The following LRRIQ3 variants were observed in gnomAD, a reference collection of about 807,000 sequenced individuals.
LRRIQ3 encodes leucine rich repeats and IQ motif containing 3.
In LRRIQ3, 75 loss-of-function variants were observed where a neutral mutation model predicts 59.3. The observed-to-expected ratio is 1.26, with a 90% CI of 1.05 to 1.53. The LOEUF is 1.53. Among genes scored for constraint, LRRIQ3 ranks in the 40% most tolerant of loss-of-function variants. The pLI is 0.00. For missense variants in LRRIQ3, 831 were observed against 710.0 expected (o/e 1.17, Z -1.94); for synonymous variants, 250 against 231.3 (o/e 1.08, Z -0.73).
intron 7 of LRRIQ3, among the ~76,000 whole-genome samples, chr1:74,039,309 G>A (rs1166755584): frequency 2.0e-5 from 3 of 152,076 alleles, no homozygotes; most frequent in Admixed American, 1.3e-4. Flanking sequence ...CAAAATCTCT[G>A]AGAAATATGG....
At chr1:74,161,734 G>T (rs1464159248) in intron 3 of LRRIQ3, among the ~76,000 whole-genome samples, 2 of 151,830 alleles carry the variant, frequency 1.3e-5, no homozygotes, top group African/African-American at 4.8e-5. Context: ...TCTCATTAAA[G>T]AAATAAACAG....
intron 7 of LRRIQ3, among the ~76,000 whole-genome samples, chr1:74,027,650 A>G (rs1185175728): frequency 6.6e-6 from 1 of 152,096 alleles, no homozygotes; most frequent in Admixed American, 6.6e-5. Context: ...ATATTTTGTT[A>G]TGGCAGTCCT....
intron 4 of LRRIQ3, among the ~76,000 whole-genome samples, chr1:74,148,008 A>G (rs370053955): frequency 3.5e-4 from 54 of 152,128 alleles, no homozygotes; most frequent in African/African-American, 1.3e-3. Flanking sequence ...GTTCCTTTAT[A>G]TCTCATTGAG....
chr1:74,026,926 TA>T lies in LRRIQ3; in HGVS notation c.1761del (p.Met588TrpfsTer3). Reference protein sequence around the residue: ...IYKRHCEEKFVMDMIAFEKAC... With the variant: ...IYKRHCEEKFXMDMIAFEKAC... Reference sequence around the variant, plus strand: ...GCTTTTTCAAAGGCAATCATATCCATAACAAATTTTTCTTCACAATGTCTTT... The same window carrying T: ...GCTTTTTCAAAGGCAATCATATCCATACAAATTTTTCTTCACAATGTCTTT... On this transcript the variant is annotated frameshift_variant, in exon 8 of 8. Coordinates refer to ENST00000354431, the MANE Select transcript of LRRIQ3 (RefSeq NM_001105659.2). LOFTEE classifies it low-confidence loss of function (END_TRUNC). 1 of 1,589,752 alleles carries T rather than the reference TA, an allele frequency of 6.3e-7. No individual in the cohort carries two copies. Among genetic ancestry groups the T allele is most frequent in the Non-Finnish European group, 8.6e-7 (1 of 1,164,386 alleles).
At chr1:74,131,145 G>C (rs1168430931) in intron 4 of LRRIQ3, among the ~76,000 whole-genome samples, 1 of 151,970 alleles carries the variant, frequency 6.6e-6, no homozygotes, top group Non-Finnish European at 1.5e-5. Context: ...TAAATTCCTG[G>C]ACACATACAC....
At chr1:74,135,943 T>C (rs1373555430) in intron 4 of LRRIQ3, among the ~76,000 whole-genome samples, 1 of 151,362 alleles carries the variant, frequency 6.6e-6, no homozygotes, top group East Asian at 1.9e-4. Flanking sequence ...GTAGAGAAAA[T>C]TAATAAAATC....
chr1:74,091,854 T>A (rs1646398218), intron 5 of LRRIQ3, among the ~76,000 whole-genome samples: 1 of 152,126 alleles, frequency 6.6e-6, no homozygotes. Flanking sequence ...CCAATTGCTT[T>A]CCATACCTAC....
intron 6 of LRRIQ3, among the ~76,000 whole-genome samples, chr1:74,055,813 G>A (rs1402152984): frequency 6.6e-6 from 1 of 152,030 alleles, no homozygotes; most frequent in African/African-American, 2.4e-5. Flanking sequence ...TCAGATGCAG[G>A]AAAAGCACTC....
intron 3 of LRRIQ3, among the ~76,000 whole-genome samples, chr1:74,165,831 G>A (rs1205959636): frequency 6.6e-6 from 1 of 151,018 alleles, no homozygotes; most frequent in Non-Finnish European, 1.5e-5. Flanking sequence ...GAATTGGTAT[G>A]ACATCTCTTC....
intron 5 of LRRIQ3, among the ~76,000 whole-genome samples, chr1:74,097,253 A>G (rs1646462620): frequency 6.6e-6 from 1 of 152,214 alleles, no homozygotes; most frequent in Non-Finnish European, 1.5e-5. Flanking sequence ...CATGAGAACT[A>G]CATGACAAAT....
chr1:74,183,407 T>A (rs750992400), intron 2 of LRRIQ3, 29 bp downstream of exon 2: 11 of 1,510,084 alleles, frequency 7.3e-6, no homozygotes, highest in Non-Finnish European at 9.7e-6. Context: ...TTCGTTTATA[T>A]GCAAATATCT....
At chr1:74,134,665 T>G (rs933555556) in intron 4 of LRRIQ3, among the ~76,000 whole-genome samples, 19 of 151,870 alleles carry the variant, frequency 1.3e-4, no homozygotes, top group African/African-American at 3.9e-4. Flanking sequence ...TATATTTTAC[T>G]GAAATAAAGG....
At position 74,183,699 on chromosome 1, in the gene LRRIQ3, A is replaced by G. The variant is rs369589258; in HGVS notation, c.1-15T>C. ...CCATGAAACATCTAGGAAAGATAAGAAAGTGCTTTGATTTTTTTTTCCACT... is the reference window on the plus strand; with the variant it reads ...CCATGAAACATCTAGGAAAGATAAGGAAGTGCTTTGATTTTTTTTTCCACT... On this transcript the variant is annotated splice_polypyrimidine_tract_variant and intron_variant, in intron 1 of 7. Transcript: ENST00000354431. The G allele has an allele frequency of 2.4e-5, 34 of 1,435,408 alleles. No homozygotes were observed. The highest frequency in any genetic ancestry group is 3.1e-5 in the Non-Finnish European group (34 of 1,087,180). 88.9% of individuals were successfully genotyped at this position (1,435,408 alleles called of 1,614,324 possible).
In LRRIQ3 at chr1:74,041,892, T is replaced by C. The variant is rs371586552; in HGVS notation, c.1039A>G (p.Thr347Ala). The change falls in exon 7 of 8, where the codon ACC becomes GCC. Residue 347 changes from threonine to alanine, a missense_variant. Coordinates refer to ENST00000354431, the MANE Select transcript of LRRIQ3 (RefSeq NM_001105659.2). ...EDEIVDEKLD[T>A]SFRISVFKLP... ...TTGAAAACTGATATCCTAAAACTGG[T>C]ATCCAATTTTTCATCCACAATTTCA... The C allele has an allele frequency of 5.9e-5, 94 of 1,606,686 alleles. No homozygotes were observed. The highest frequency in any genetic ancestry group is 7.7e-5 in the Non-Finnish European group (91 of 1,175,912).
intron 4 of LRRIQ3, among the ~76,000 whole-genome samples, chr1:74,137,056 G>A (rs534651683): frequency 4.0e-5 from 6 of 151,466 alleles, no homozygotes; most frequent in East Asian, 3.9e-4. Flanking sequence ...TTCAACTTTC[G>A]GTTCCTAAGG....
At chr1:74,047,477 G>T (rs1654239863) in intron 6 of LRRIQ3, among the ~76,000 whole-genome samples, 1 of 152,090 alleles carries the variant, frequency 6.6e-6, no homozygotes, top group Admixed American at 6.6e-5. Flanking sequence ...AGCATTAGGA[G>T]AAATACCTAA....
chr1:74,085,325 A>C (rs1026944527), intron 5 of LRRIQ3, among the ~76,000 whole-genome samples: 1 of 1,074 alleles, frequency 9.3e-4, no homozygotes, highest in African/African-American at 1.0e-3. Context: ...CATGGTGGCA[A>C]AAAAAAAAAA....
At position 74,109,608 on chromosome 1, in the gene LRRIQ3, T is replaced by A. The variant is rs969658534; in HGVS notation, c.708-55A>T. 45 of 1,409,304 alleles carry A rather than the reference T, an allele frequency of 3.2e-5. No individual in the cohort carries two copies. The African/African-American group carries it at 5.9e-4, about 18-fold the overall frequency. 87.3% of individuals were successfully genotyped at this position (1,409,304 alleles called of 1,614,324 possible). A position where few individuals can be genotyped will look rare whatever the true frequency, so the allele number is the denominator to read the frequency against. ...GTTAGTTTTTTGCCATTAAAAAACA[T>A]GAAAATTAGTCATGAGTTCACTTAC... On this transcript the variant is annotated intron_variant, in intron 4 of 7. Transcript: ENST00000354431.
At chr1:74,028,479 C>G (rs539047591) in intron 7 of LRRIQ3, among the ~76,000 whole-genome samples, 1 of 152,012 alleles carries the variant, frequency 6.6e-6, no homozygotes, top group South Asian at 2.1e-4. Context: ...TAATAGTGGC[C>G]TTCAACAGAA....
Sources: gnomAD v4.1 joint callset for allele counts (sites outside exome capture counted in the v4.1 genomes callset) on GRCh38, gnomAD v4.1.1 for gene constraint, MANE v1.5 for transcripts, NCBI Gene and HGNC (gene_info 2026-07-23, HGNC 2026-07-21) for gene names.